RNPEP: variants seen among roughly 807,000 people sequenced by gnomAD.
The protein encoded by RNPEP is aminopeptidase B.
A neutral mutation model predicts 70.1 loss-of-function variants in RNPEP; 57 were observed. The observed-to-expected ratio is 0.81, with a 90% CI of 0.66 to 1.01. The LOEUF (loss-of-function observed/expected upper bound fraction) is 1.01, where lower values mean the gene tolerates loss of function less well. Among genes scored for constraint, RNPEP ranks in the 50% least tolerant of loss-of-function variants. RNPEP has a pLI of 0.00. For synonymous variants in RNPEP, 335 were observed against 357.4 expected (o/e 0.94, Z 0.71); for missense variants, 787 against 852.4 (o/e 0.92, Z 0.96).
intron 1 of RNPEP, among the ~76,000 whole-genome samples, chr1:201,986,365 C>T (rs956709714): frequency 1.3e-5 from 2 of 151,700 alleles, no homozygotes; most frequent in Non-Finnish European, 2.9e-5. Context: ...GAAGTGCTGG[C>T]ATTACAGGTG....
At chr1:201,983,813 G>A in intron 1 of RNPEP, 1 of 1,076,068 alleles carries the variant, frequency 9.3e-7, no homozygotes, top group Non-Finnish European at 1.1e-6. Context: ...GGAGTTATGT[G>A]GCTTATGTCT....
At chr1:202,001,886 C>T (rs533281636) in intron 8 of RNPEP, 119 bp downstream of exon 8, 3 of 682,108 alleles carry the variant, frequency 4.4e-6, no homozygotes, top group East Asian at 5.2e-5. Flanking sequence ...TAGGTAGGGG[C>T]GTTTTGGGAA....
At chr1:201,985,191 T>TAAAA (rs57050499) in intron 1 of RNPEP, among the ~76,000 whole-genome samples, 1 of 142,068 alleles carries the variant, frequency 7.0e-6, no homozygotes, top group African/African-American at 2.6e-5. Context: ...AGGCTCCATC[T>TAAAA]AAAAAAAAAA....
chr1:201,986,231 C>T (rs916918447), intron 1 of RNPEP, among the ~76,000 whole-genome samples: 1 of 148,530 alleles, frequency 6.7e-6, no homozygotes, highest in African/African-American at 2.5e-5. Context: ...AGCCACTGCT[C>T]CCAGCCAGTT....
chr1:201,984,591 G>A (rs763542358), intron 1 of RNPEP, among the ~76,000 whole-genome samples: 1 of 148,906 alleles, frequency 6.7e-6, no homozygotes, highest in Admixed American at 6.8e-5. Flanking sequence ...TCCAGCCTGA[G>A]CAACAGAGTG....
Position 202,005,944 on chromosome 1 carries a change from G to A in RNPEP, c.*228G>A, listed in dbSNP as rs969075909. The A allele has an allele frequency of 2.2e-5, 12 of 544,834 alleles. No individual in the cohort carries two copies. Among genetic ancestry groups the A allele is most frequent in the Admixed American group, 1.2e-4 (4 of 32,556 alleles). 33.7% of individuals were successfully genotyped at this position (544,834 alleles called of 1,614,324 possible). A position where few individuals can be genotyped will look rare whatever the true frequency, so the allele number is the denominator to read the frequency against. On this transcript the variant is annotated 3_prime_UTR_variant, in exon 11 of 11. Transcript: ENST00000295640. The stretch of plus-strand genomic sequence containing the variant: ...AGAGAACCTGCCCACAGCTCTCCCC[G>A]CTACAGGCTGCAGGCACTGCAGGGC...
In RNPEP at chr1:202,004,361, G is replaced by GA; in HGVS notation, c.1665dup (p.Leu556ThrfsTer26). 1 of 1,614,090 alleles carries GA rather than the reference G, an allele frequency of 6.2e-7. No individual in the cohort carries two copies. The highest frequency in any genetic ancestry group is 8.5e-7 in the Non-Finnish European group (1 of 1,180,010). Reference sequence around the variant, plus strand: ...TTTCTTTCTCTTCTCCAGGGAATGTGAAAAAACTTGGAGACACATACCCAA... The same window carrying GA: ...TTTCTTTCTCTTCTCCAGGGAATGTGAAAAAAACTTGGAGACACATACCCAA... On this transcript the variant is annotated frameshift_variant, in exon 10 of 11. Transcript: ENST00000295640. LOFTEE classifies it high-confidence loss of function.
chr1:202,004,048 C>G (rs572556609), intron 9 of RNPEP, among the ~76,000 whole-genome samples: 3 of 152,276 alleles, frequency 2.0e-5, no homozygotes, highest in Non-Finnish European at 2.9e-5. Context: ...CTGCTTTAAT[C>G]TTGCTCTGTC....
chr1:201,991,178 G>A (rs1432199607), intron 3 of RNPEP, among the ~76,000 whole-genome samples: 3 of 151,902 alleles, frequency 2.0e-5, no homozygotes, highest in Non-Finnish European at 4.4e-5. Flanking sequence ...GCAGTGGCGC[G>A]ATCTTGGCTC....
At position 201,989,480 on chromosome 1, in the gene RNPEP, A is replaced by G. The variant is rs776902522; in HGVS notation, c.686A>G (p.Tyr229Cys). Residue 229 changes from tyrosine to cysteine, a missense_variant, in exon 3 of 11, where the codon TAT becomes TGT. Physicochemically the swap from Tyr to Cys is radical, Grantham distance 194. Transcript: ENST00000295640. ...CAGATGTGTCAGCCCATCCCCTCCT[A>G]TCTGATAGCTTTGGCCATCGGAGAT... is the stretch of plus-strand genomic sequence containing the variant. ...FFQMCQPIPSYLIALAIGDLV... is the reference protein window; with the variant it reads ...FFQMCQPIPSCLIALAIGDLV... 2 of 1,614,156 alleles carry G rather than the reference A, an allele frequency of 1.2e-6. No homozygotes were observed. Among genetic ancestry groups the G allele is most frequent in the Non-Finnish European group, 8.5e-7 (1 of 1,180,020 alleles).
At chr1:202,004,769 C>T (rs1226359001) in intron 10 of RNPEP, among the ~76,000 whole-genome samples, 1 of 152,166 alleles carries the variant, frequency 6.6e-6, no homozygotes, top group Non-Finnish European at 1.5e-5. Flanking sequence ...AACGCAGAGG[C>T]GGGAAAGAGG....
In RNPEP at chr1:202,005,668, C is replaced by T; in HGVS notation, c.1905C>T (p.Ser635=). Residue 635 remains serine (S), a synonymous_variant, in exon 11 of 11, where the codon AGC becomes AGT. Coordinates refer to ENST00000295640, the MANE Select transcript of RNPEP (RefSeq NM_020216.4). ...CATCCACCGCCTCCCAGCTCCACAG[C>T]AATGTTGTCAACTATGTCCAGCAGA... ...TFASTASQLH[S]NVVNYVQQIV... is the part of the protein sequence containing the mutation. The T allele has an allele frequency of 6.2e-7, 1 of 1,614,262 alleles. No individual in the cohort carries two copies.
chr1:202,004,215 A>T (rs1683957013), intron 9 of RNPEP, 139 bp from the exon 10 acceptor site: 8 of 863,764 alleles, frequency 9.3e-6, no homozygotes, highest in Non-Finnish European at 1.4e-5. Flanking sequence ...TTTAGTAGAG[A>T]TGGGGTTTCG....
chr1:201,985,381 G>C (rs1359659459), intron 1 of RNPEP, among the ~76,000 whole-genome samples: 1 of 151,986 alleles, frequency 6.6e-6, no homozygotes, highest in Non-Finnish European at 1.5e-5. Context: ...AGCTGGGGTA[G>C]CTGGGACCAA....
At chr1:201,996,947 C>T (rs1016046511) in intron 4 of RNPEP, among the ~76,000 whole-genome samples, 31 of 152,280 alleles carry the variant, frequency 2.0e-4, no homozygotes, top group African/African-American at 6.5e-4. Context: ...ACTTTAGGCT[C>T]CTTAGATAAA....
chr1:201,987,603 A>G (rs1299871481), intron 1 of RNPEP, among the ~76,000 whole-genome samples: 3 of 151,592 alleles, frequency 2.0e-5, no homozygotes, highest in African/African-American at 7.3e-5. Context: ...ACACCCGGCT[A>G]ATTTTTGTAT....
At chr1:201,987,030 A>C (rs1229209398) in intron 1 of RNPEP, among the ~76,000 whole-genome samples, 4 of 152,010 alleles carry the variant, frequency 2.6e-5, no homozygotes, top group Admixed American at 1.3e-4. Context: ...ACACACAAAA[A>C]CTCAAACCCA....
At chr1:201,989,278 C>A (rs1683238244) in intron 2 of RNPEP, 105 bp from the exon 3 acceptor site, 24 of 1,378,510 alleles carry the variant, frequency 1.7e-5, no homozygotes, top group Non-Finnish European at 2.4e-5. Flanking sequence ...AAGATAGACT[C>A]CAGGCCATTA....
chr1:202,004,952 C>T (rs1683992983), intron 10 of RNPEP, among the ~76,000 whole-genome samples: 1 of 152,168 alleles, frequency 6.6e-6, no homozygotes, highest in South Asian at 2.1e-4. Context: ...GCCCCGGGCT[C>T]TCAGGATGAA....
Sources: allele counts gnomAD v4.1 joint callset (sites outside exome capture counted in the v4.1 genomes callset), GRCh38; gene constraint gnomAD v4.1.1; transcripts MANE v1.5; gene names NCBI Gene and HGNC (gene_info 2026-07-23, HGNC 2026-07-21).